The following DMD variants were observed in gnomAD, a reference collection of about 807,000 sequenced individuals.
The protein encoded by DMD is dystrophin.
In DMD, 63 loss-of-function variants were observed where a neutral mutation model predicts 330.1. The observed-to-expected ratio is 0.19, with a 90% confidence interval of 0.16 to 0.24. DMD has a LOEUF of 0.24. Ranked by LOEUF, DMD falls within the 10% of genes least tolerant of loss-of-function variation. The pLI is 1.00. For synonymous variants in DMD, 1,223 were observed against 959.8 expected, an observed-to-expected ratio of 1.27 and a Z score of -5.07; for missense variants, 3,344 against 2,684.1, an observed-to-expected ratio of 1.25 and a Z score of -5.43.
intron 18 of DMD, chrX:32,517,644 T>C: frequency 8.2e-6 from 2 of 242,475 alleles, no homozygotes; most frequent in Admixed American, 1.2e-4. Context: ...TATTCTATTT[T>C]ACTCTATTCT....
intron 7 of DMD, among the ~76,000 whole-genome samples, chrX:32,762,783 A>G (rs1297935322): frequency 3.6e-5 from 4 of 111,049 alleles, no homozygotes; most frequent in African/African-American, 1.3e-4. Context: ...CAGACTCCAG[A>G]CATTTTTCTA....
intron 45 of DMD, among the ~76,000 whole-genome samples, chrX:31,946,938 G>C (rs2095095593): frequency 9.0e-6 from 1 of 110,853 alleles, no homozygotes; most frequent in South Asian, 3.8e-4. Context: ...AAAAGGCAAA[G>C]CATAATGAAA....
chrX:32,863,472 T>C (rs1427468237), intron 2 of DMD, among the ~76,000 whole-genome samples: 4 of 95,424 alleles, frequency 4.2e-5, no homozygotes, highest in African/African-American at 8.9e-5. Flanking sequence ...ATTGCACCAC[T>C]GCACTCCAGC....
At chrX:31,420,671 G>T (rs1362048647) in intron 60 of DMD, among the ~76,000 whole-genome samples, 1 of 112,360 alleles carries the variant, frequency 8.9e-6, no homozygotes, top group East Asian at 2.8e-4. Context: ...AGGCCATAAG[G>T]TAACAAAGGC....
chrX:31,244,000 A>G (rs1043764907), intron 63 of DMD, among the ~76,000 whole-genome samples: 5 of 112,733 alleles, frequency 4.4e-5, no homozygotes, highest in Admixed American at 9.4e-5. Context: ...AGAAGCAAGA[A>G]CCTTGAAAAG....
intron 43 of DMD, among the ~76,000 whole-genome samples, chrX:32,225,246 T>G (rs181441311): frequency 9.9e-4 from 111 of 111,840 alleles, no homozygotes; most frequent in African/African-American, 3.5e-3. Context: ...ACTACTCAAC[T>G]CTGCCTTGAA....
At chrX:32,015,223 C>T (rs1177866186) in intron 44 of DMD, among the ~76,000 whole-genome samples, 3 of 111,703 alleles carry the variant, frequency 2.7e-5, no homozygotes, top group Non-Finnish European at 3.8e-5. Flanking sequence ...ACCAACAGTT[C>T]GATCGACGCT....
At chrX:31,505,939 A>G (rs762683980) in intron 56 of DMD, among the ~76,000 whole-genome samples, 1 of 109,827 alleles carries the variant, frequency 9.1e-6, no homozygotes, top group African/African-American at 3.3e-5. Context: ...GCCCACCCAG[A>G]CTCCCTGTTT....
At chrX:33,264,708 A>G (rs996949891) in intron 1 of DMD, among the ~76,000 whole-genome samples, 2 of 43,577 alleles carry the variant, frequency 4.6e-5, no homozygotes, top group Non-Finnish European at 1.8e-4. Flanking sequence ...TAGTAAAGAT[A>G]AAGGTTTTTT....
At chrX:32,282,687 C>T (rs1043520598) in intron 43 of DMD, among the ~76,000 whole-genome samples, 2 of 112,163 alleles carry the variant, frequency 1.8e-5, no homozygotes, top group South Asian at 7.4e-4. Context: ...CTGTTCTCAT[C>T]TAAAGCGTAA....
chrX:31,355,729 G>T (rs929765941), intron 60 of DMD, among the ~76,000 whole-genome samples: 2 of 110,956 alleles, frequency 1.8e-5, no homozygotes, highest in Admixed American at 9.7e-5. Flanking sequence ...TCATAAATAC[G>T]TGCCCAAACA....
At chrX:32,930,057 C>T (rs888341772) in intron 2 of DMD, among the ~76,000 whole-genome samples, 1 of 111,684 alleles carries the variant, frequency 9.0e-6, no homozygotes, top group Non-Finnish European at 1.9e-5. Flanking sequence ...ATACACCTAA[C>T]AGACTGTACA....
intron 43 of DMD, among the ~76,000 whole-genome samples, chrX:32,241,025 TC>T (rs1444728733): frequency 8.9e-6 from 1 of 112,501 alleles, no homozygotes; most frequent in African/African-American, 3.2e-5. Flanking sequence ...AATTTTCATC[TC>T]ATTGACTTGA....
chrX:32,929,603 T>G (rs1414306354), intron 2 of DMD, among the ~76,000 whole-genome samples: 1 of 111,359 alleles, frequency 9.0e-6, no homozygotes, highest in African/African-American at 3.3e-5. Context: ...GGGATACATG[T>G]GCAGAACGTG....
At chrX:31,756,414 T>C (rs2089084801) in intron 51 of DMD, among the ~76,000 whole-genome samples, 1 of 112,095 alleles carries the variant, frequency 8.9e-6, no homozygotes, top group Admixed American at 9.5e-5. Context: ...CTCAATGCAG[T>C]TTATTATGTT....
At chrX:32,825,907 G>T (rs1449158702) in intron 4 of DMD, among the ~76,000 whole-genome samples, 2 of 111,325 alleles carry the variant, frequency 1.8e-5, no homozygotes, top group Non-Finnish European at 3.8e-5. Flanking sequence ...TTCAACTTGG[G>T]ATGATGAAAT....
At chrX:32,924,944 A>G (rs139837592) in intron 2 of DMD, among the ~76,000 whole-genome samples, 1,746 of 110,755 alleles carry the variant, frequency 0.016, 29 homozygotes, top group East Asian at 0.051. Context: ...AACGTGTTTA[A>G]AATAAAATAT....
chrX:31,836,289 C>T (rs934967736), intron 49 of DMD, among the ~76,000 whole-genome samples: 1 of 112,071 alleles, frequency 8.9e-6, no homozygotes, highest in African/African-American at 3.2e-5. Flanking sequence ...GAAAGAGCAA[C>T]AAAGAAAAGA....
intron 6 of DMD, among the ~76,000 whole-genome samples, chrX:32,810,328 G>A (rs1051522931): frequency 9.9e-5 from 11 of 111,323 alleles, no homozygotes; most frequent in African/African-American, 3.3e-4. Flanking sequence ...AGTTTTATAT[G>A]TCTAACCCAG....
Sources: gnomAD v4.1 joint callset for allele counts (sites outside exome capture counted in the v4.1 genomes callset) on GRCh38, gnomAD v4.1.1 for gene constraint, MANE v1.5 for transcripts, NCBI Gene and HGNC (gene_info 2026-07-23, HGNC 2026-07-21) for gene names.